HECW1: variants seen among roughly 807,000 people sequenced by gnomAD.
The protein encoded by HECW1 is HECT, C2 and WW domain containing E3 ubiquitin protein ligase 1.
In HECW1, 61 loss-of-function variants were observed where a neutral mutation model predicts 182.3. The ratio of observed to expected loss-of-function variants is 0.33; its 90% CI spans 0.27 to 0.41. The LOEUF (loss-of-function observed/expected upper bound fraction) is 0.41, where lower values mean the gene tolerates loss of function less well. Ranked by LOEUF, HECW1 falls within the 10% of genes least tolerant of loss-of-function variation. The pLI is 1.00. For missense variants in HECW1, 1,739 were observed against 2,108.9 expected (o/e 0.82, Z 3.44); for synonymous variants, 859 against 832.6 (o/e 1.03, Z -0.55).
chr7:43,454,807 T>C (rs2152887359), intron 12 of HECW1, among the ~76,000 whole-genome samples: 1 of 152,272 alleles, frequency 6.6e-6, no homozygotes, highest in East Asian at 1.9e-4. Flanking sequence ...ACTGTTAGTA[T>C]CTGACCTACT....
At chr7:43,410,099 C>A (rs2075749448) in intron 8 of HECW1, among the ~76,000 whole-genome samples, 1 of 152,194 alleles carries the variant, frequency 6.6e-6, no homozygotes, top group Non-Finnish European at 1.5e-5. Context: ...TCTGTTAAAG[C>A]CTCAAGTCCA....
chr7:43,417,980 C>T (rs983515325), intron 8 of HECW1, among the ~76,000 whole-genome samples: 1 of 152,090 alleles, frequency 6.6e-6, no homozygotes, highest in African/African-American at 2.4e-5. Context: ...GCCAGAAGTC[C>T]AAAATGAAGG....
chr7:43,402,888 T>G (rs1391258427), intron 7 of HECW1, among the ~76,000 whole-genome samples: 1 of 152,228 alleles, frequency 6.6e-6, no homozygotes, highest in Non-Finnish European at 1.5e-5. Flanking sequence ...TTCAATGAAG[T>G]GCACTTTTAG....
intron 12 of HECW1, among the ~76,000 whole-genome samples, chr7:43,452,022 G>A (rs2077253021): frequency 2.0e-5 from 3 of 152,152 alleles, no homozygotes; most frequent in African/African-American, 7.2e-5. Flanking sequence ...TTATTGGTGA[G>A]AAATCAAAGA....
At chr7:43,310,535 G>A (rs1443027265) in intron 3 of HECW1, among the ~76,000 whole-genome samples, 1 of 152,212 alleles carries the variant, frequency 6.6e-6, no homozygotes, top group Non-Finnish European at 1.5e-5. Context: ...ACACAGATGA[G>A]TGAAAGGGCC....
intron 24 of HECW1, chr7:43,522,974 T>A: frequency 2.3e-6 from 1 of 426,490 alleles, no homozygotes; most frequent in South Asian, 1.8e-5. Context: ...GTACTGTGTG[T>A]TCTCTTTCCA....
At chr7:43,364,970 C>T (rs1816434602) in intron 6 of HECW1, among the ~76,000 whole-genome samples, 1 of 152,144 alleles carries the variant, frequency 6.6e-6, no homozygotes, top group Non-Finnish European at 1.5e-5. Context: ...AGAAATCAGC[C>T]CATCACGACA....
intron 2 of HECW1, among the ~76,000 whole-genome samples, chr7:43,233,288 T>C (rs1431914808): frequency 6.6e-6 from 1 of 152,244 alleles, no homozygotes; most frequent in East Asian, 1.9e-4. Context: ...ATAATTTATT[T>C]AGTCTCCAGG....
intron 2 of HECW1, among the ~76,000 whole-genome samples, chr7:43,208,604 G>A (rs1795707786): frequency 1.3e-5 from 2 of 152,212 alleles, no homozygotes; most frequent in Non-Finnish European, 1.5e-5. Context: ...GTAATTTTTT[G>A]TGTCAGCTTT....
At chr7:43,554,512 G>C in intron 28 of HECW1, 80 bp from the exon 29 acceptor site, 2 of 1,210,616 alleles carry the variant, frequency 1.7e-6, no homozygotes, top group South Asian at 2.6e-5. Flanking sequence ...CATACCTGAT[G>C]TGTTTGATCT....
intron 1 of HECW1, chr7:43,113,571 C>T (rs551778296): frequency 4.0e-5 from 7 of 176,438 alleles, no homozygotes; most frequent in East Asian, 3.9e-4. Context: ...CCGGCTGCGC[C>T]GCTCAGCCGG....
intron 28 of HECW1, among the ~76,000 whole-genome samples, chr7:43,553,597 A>G (rs1396152374): frequency 6.8e-6 from 1 of 146,012 alleles, no homozygotes; most frequent in East Asian, 2.1e-4. Flanking sequence ...TGAACCCGGG[A>G]GGCAGAGGTT....
chr7:43,163,735 C>T (rs1330573605), intron 2 of HECW1, among the ~76,000 whole-genome samples: 1 of 152,126 alleles, frequency 6.6e-6, no homozygotes, highest in East Asian at 1.9e-4. Flanking sequence ...TGTTCATTCC[C>T]TCCTTGCCTG....
chr7:43,137,498 T>C (rs1787673759), intron 2 of HECW1, among the ~76,000 whole-genome samples: 1 of 152,002 alleles, frequency 6.6e-6, no homozygotes, highest in Non-Finnish European at 1.5e-5. Flanking sequence ...GTAAATAATA[T>C]CTTTTCTGCC....
intron 6 of HECW1, among the ~76,000 whole-genome samples, chr7:43,384,044 GTC>G (rs1203508483): frequency 6.6e-6 from 1 of 152,168 alleles, no homozygotes; most frequent in African/African-American, 2.4e-5. Flanking sequence ...TGGTCTTGCT[GTC>G]TCTGAGTTGG....
chr7:43,444,922 G>C lies in HECW1; in HGVS notation c.1750G>C (p.Gly584Arg), dbSNP rs764434770. 1.3e-5 allele frequency: 21 copies of C among 1,594,508 alleles called. No homozygotes were observed. In the Admixed American group the frequency reaches 2.9e-4, roughly 22 times the overall value. Residue 584 changes from glycine to arginine, a missense_variant, in exon 11 of 30, where the codon GGC (glycine) becomes CGC (arginine). Gly to Arg is a moderately radical substitution (Grantham distance 125, BLOSUM62 -2). Around this residue, in one of 5 missense-constraint regions of HECW1, gnomAD observed 971 missense variants for 1,029.1 expected, o/e 0.94. Transcript: ENST00000395891. The surrounding 1 kb of genome is among the most constrained non-coding windows in gnomAD (Gnocchi z 4.3). ...QGGSAAEEEDGAEEESTLKDS... is the reference protein window; with the variant it reads ...QGGSAAEEEDRAEEESTLKDS... Reference sequence around the variant, plus strand: ...CGGCAGCGCGGCAGAGGAGGAGGACGGCGCGGAGGAGGAGTCCACCCTCAA... The same window carrying C: ...CGGCAGCGCGGCAGAGGAGGAGGACCGCGCGGAGGAGGAGTCCACCCTCAA...
chr7:43,437,891 G>A, intron 8 of HECW1, 112 bp from the exon 9 acceptor site: 1 of 1,040,324 alleles, frequency 9.6e-7, no homozygotes, highest in South Asian at 1.5e-5. Context: ...TTTATATATA[G>A]GTATATTATA....
rs77652048 is a variant in HECW1, at chr7:43,269,486, C to T, written c.27+25554C>T. On this transcript the variant is annotated intron_variant, in intron 3 of 29. Transcript: ENST00000395891. ...CTAACATAGAATAACACTCTATTGT[C>T]GGAACCAGAAAGACACATGTGAAAT... Among the ~76,000 whole-genome samples the T allele has an allele frequency of 9.6e-3, 1,455 of 152,202 alleles. 30 individuals are homozygous for T. The highest frequency in any genetic ancestry group is 0.033 in the African/African-American group (1,373 of 41,508).
At chr7:43,485,862 T>A (rs2078612758) in intron 17 of HECW1, among the ~76,000 whole-genome samples, 2 of 152,230 alleles carry the variant, frequency 1.3e-5, no homozygotes, top group South Asian at 4.2e-4. Flanking sequence ...TACACTAAAT[T>A]TTTTTTATTA....
Sources: gnomAD v4.1 joint callset for allele counts (sites outside exome capture counted in the v4.1 genomes callset) on GRCh38, gnomAD v4.1.1 for gene constraint, gnomAD v4.1.1 regional missense constraint, Gnocchi (gnomAD v3.1) non-coding constraint, MANE v1.5 for transcripts, NCBI Gene and HGNC (gene_info 2026-07-23, HGNC 2026-07-21) for gene names.